The following MAGI1 variants were observed in gnomAD, a reference collection of about 807,000 sequenced individuals.
The protein encoded by MAGI1 is membrane associated guanylate kinase, WW and PDZ domain containing 1.
In MAGI1, 58 loss-of-function variants were observed where a neutral mutation model predicts 139.9. The observed-to-expected ratio is 0.41, with a 90% CI of 0.34 to 0.52. The LOEUF (loss-of-function observed/expected upper bound fraction) is 0.52, where lower values mean the gene tolerates loss of function less well. Among genes scored for constraint, MAGI1 ranks in the 20% least tolerant of loss-of-function variants. The pLI is 0.12. For missense variants in MAGI1, 1,874 were observed against 1,901.6 expected (o/e 0.99, Z 0.27); for synonymous variants, 812 against 737.9 (o/e 1.10, Z -1.63).
At chr3:65,402,776 T>C (rs1049395959) in intron 12 of MAGI1, among the ~76,000 whole-genome samples, 2 of 152,074 alleles carry the variant, frequency 1.3e-5, no homozygotes, top group Non-Finnish European at 2.9e-5. Flanking sequence ...GAGTGCCCAC[T>C]GGGAGTGAGG....
intron 1 of MAGI1, among the ~76,000 whole-genome samples, chr3:65,720,851 G>A (rs2032925979): frequency 6.6e-6 from 1 of 152,058 alleles, no homozygotes; most frequent in Non-Finnish European, 1.5e-5. Context: ...CCAGGTTCAA[G>A]AGAACCTCCC....
At chr3:65,911,536 AT>A (rs566327496) in intron 1 of MAGI1, among the ~76,000 whole-genome samples, 2 of 151,810 alleles carry the variant, frequency 1.3e-5, no homozygotes, top group African/African-American at 4.8e-5. Context: ...TTCAGGGTAG[AT>A]TTTTTTTGCA....
Position 65,383,639 on chromosome 3 carries a change from A to G in MAGI1, c.2417-16T>C. ...TAATCTGGAACTGCAGAGAGGGGAG[A>G]AAAAAGAGAAGGATTATTTTACTGA... On this transcript the variant is annotated splice_polypyrimidine_tract_variant and intron_variant, in intron 14 of 22. Coordinates refer to ENST00000402939, the MANE Select transcript of MAGI1 (RefSeq NM_001033057.2). 6.8e-7 allele frequency: 1 copy of G among 1,479,480 alleles called. No homozygotes were observed. The highest frequency in any genetic ancestry group is 9.5e-7 in the Non-Finnish European group (1 of 1,057,204). The allele number at this position is 1,479,480 out of a possible 1,614,324, so 91.6% of individuals were successfully genotyped here.
intron 22 of MAGI1, chr3:65,359,436 G>C: frequency 8.5e-7 from 1 of 1,182,648 alleles, no homozygotes; most frequent in Non-Finnish European, 1.1e-6. Flanking sequence ...GTTTTGTTTT[G>C]TTTTTTCAAA....
chr3:65,982,059 C>G (rs2065611203), intron 1 of MAGI1, among the ~76,000 whole-genome samples: 1 of 152,212 alleles, frequency 6.6e-6, no homozygotes, highest in African/African-American at 2.4e-5. Flanking sequence ...TCTCCCCTTG[C>G]AGGGTTGGAG....
chr3:66,007,750 T>G (rs975763604), intron 1 of MAGI1, among the ~76,000 whole-genome samples: 1 of 152,136 alleles, frequency 6.6e-6, no homozygotes, highest in Non-Finnish European at 1.5e-5. Flanking sequence ...ATAAGTGAGA[T>G]GAGCCCTAGT....
At chr3:65,597,079 C>A (rs531313172) in intron 2 of MAGI1, among the ~76,000 whole-genome samples, 8 of 152,258 alleles carry the variant, frequency 5.3e-5, no homozygotes, top group African/African-American at 1.9e-4. Flanking sequence ...TCTCCCCTGC[C>A]TTCCCCAGCC....
intron 1 of MAGI1, among the ~76,000 whole-genome samples, chr3:65,636,227 A>G (rs2084606889): frequency 6.6e-6 from 1 of 152,184 alleles, no homozygotes; most frequent in Non-Finnish European, 1.5e-5. Context: ...ACTAAGTTAA[A>G]CATTCTCAAA....
intron 1 of MAGI1, among the ~76,000 whole-genome samples, chr3:65,941,580 A>G (rs2063317353): frequency 2.0e-5 from 3 of 152,118 alleles, no homozygotes. Context: ...TAGATTGTGA[A>G]CTGTCCCCTA....
At chr3:65,737,110 T>A (rs554868674) in intron 1 of MAGI1, among the ~76,000 whole-genome samples, 2 of 152,228 alleles carry the variant, frequency 1.3e-5, no homozygotes, top group South Asian at 4.2e-4. Flanking sequence ...GTTCACACCA[T>A]TCTCCTGCCT....
intron 1 of MAGI1, among the ~76,000 whole-genome samples, chr3:65,750,794 G>A (rs544037614): frequency 3.8e-4 from 58 of 152,320 alleles, no homozygotes; most frequent in African/African-American, 1.3e-3. Flanking sequence ...CCAAGGGAGA[G>A]CAAGTAGACC....
At chr3:65,749,220 G>A (rs975229983) in intron 1 of MAGI1, among the ~76,000 whole-genome samples, 2 of 152,118 alleles carry the variant, frequency 1.3e-5, no homozygotes, top group Non-Finnish European at 2.9e-5. Flanking sequence ...TGAAGAGAGT[G>A]CCCAATGTCT....
chr3:65,408,520 T>C (rs548277396), intron 12 of MAGI1, among the ~76,000 whole-genome samples: 67 of 152,050 alleles, frequency 4.4e-4, no homozygotes, highest in East Asian at 1.7e-3. Flanking sequence ...GAAAGACAAA[T>C]TGAGAACAAT....
intron 2 of MAGI1, among the ~76,000 whole-genome samples, chr3:65,569,498 T>C (rs2080837748): frequency 6.6e-6 from 1 of 152,168 alleles, no homozygotes; most frequent in Non-Finnish European, 1.5e-5. Context: ...TACAAATGAA[T>C]ATGTGTGCAC....
intron 1 of MAGI1, among the ~76,000 whole-genome samples, chr3:65,823,121 A>G: frequency 1.3e-5 from 2 of 152,226 alleles, no homozygotes; most frequent in East Asian, 3.8e-4. Context: ...TTAATCACAT[A>G]TATTTAAAAT....
intron 1 of MAGI1, among the ~76,000 whole-genome samples, chr3:65,847,189 ATG>A (rs2059034860): frequency 6.6e-6 from 1 of 152,186 alleles, no homozygotes. Flanking sequence ...AGAATGTAGC[ATG>A]ACAAATCACA....
At chr3:65,972,738 C>T (rs4688618) in intron 1 of MAGI1, among the ~76,000 whole-genome samples, 124,836 of 152,202 alleles carry the variant, frequency 0.82, 51,378 homozygotes, top group Admixed American at 0.89. Context: ...CAACTATTCA[C>T]GGTCCACATT....
chr3:65,656,979 C>CAAAAAAAAAAA (rs58817001), intron 1 of MAGI1, among the ~76,000 whole-genome samples: 5 of 73,956 alleles, frequency 6.8e-5, no homozygotes, highest in African/African-American at 1.1e-4. Flanking sequence ...GACACCATCT[C>CAAAAAAAAAAA]AAAAAAAAAA....
intron 5 of MAGI1, among the ~76,000 whole-genome samples, chr3:65,468,692 C>T (rs1182094942): frequency 6.6e-6 from 1 of 151,958 alleles, no homozygotes; most frequent in Admixed American, 6.6e-5. Flanking sequence ...AGAGGGTGTT[C>T]TGAGTTCCAA....
Sources: allele counts gnomAD v4.1 joint callset (sites outside exome capture counted in the v4.1 genomes callset), GRCh38; gene constraint gnomAD v4.1.1; transcripts MANE v1.5; gene names NCBI Gene and HGNC (gene_info 2026-07-23, HGNC 2026-07-21).